Variants in VAV3 observed in about 807,000 individuals in gnomAD.
VAV3 encodes guanine nucleotide exchange factor VAV3.
Under a neutral mutation model 131.2 loss-of-function variants are expected in VAV3, and 94 were observed. The observed-to-expected ratio is 0.72, with a 90% CI of 0.61 to 0.85. The LOEUF (loss-of-function observed/expected upper bound fraction) is 0.85, where lower values mean the gene tolerates loss of function less well. VAV3 is among the 40% of genes least tolerant of loss of function. VAV3 has a pLI of 0.00. For synonymous variants in VAV3, 349 were observed against 342.0 expected (o/e 1.02, Z -0.22); for missense variants, 939 against 1,002.7 (o/e 0.94, Z 0.86).
At chr1:107,894,452 T>C (rs1671472791) in intron 1 of VAV3, among the ~76,000 whole-genome samples, 1 of 152,146 alleles carries the variant, frequency 6.6e-6, no homozygotes, top group Non-Finnish European at 1.5e-5. Flanking sequence ...GACATCACAA[T>C]TAAAACAAGC....
intron 25 of VAV3, among the ~76,000 whole-genome samples, chr1:107,582,274 C>T (rs1266706011): frequency 1.3e-5 from 2 of 152,036 alleles, no homozygotes; most frequent in African/African-American, 4.8e-5. Flanking sequence ...TGATCCTTAC[C>T]CTGGTTTTAT....
chr1:107,926,728 C>T (rs1028505095), intron 1 of VAV3, among the ~76,000 whole-genome samples: 2 of 152,154 alleles, frequency 1.3e-5, no homozygotes, highest in Non-Finnish European at 2.9e-5. Flanking sequence ...AGCTGAAGTC[C>T]GCCCATGAAG....
chr1:107,779,520 A>G lies in VAV3; in HGVS notation c.322-28T>C, dbSNP rs550212804. The G allele has an allele frequency of 2.9e-5, 45 of 1,541,368 alleles. 1 individual carries two copies. The South Asian group carries it at 5.8e-4, about 20-fold the overall frequency. On this transcript the variant is annotated intron_variant, in intron 2 of 26. Coordinates refer to ENST00000370056, the MANE Select transcript of VAV3 (RefSeq NM_006113.5). ...GAGAAAAGAGGAAAATACTAATTAG[A>G]TATGTAGTTCAGAAAATATAAGATT...
intron 2 of VAV3, among the ~76,000 whole-genome samples, chr1:107,837,856 C>T (rs1014264908): frequency 2.0e-5 from 3 of 152,062 alleles, no homozygotes; most frequent in Non-Finnish European, 2.9e-5. Flanking sequence ...TGGAACTGGA[C>T]TCCTACCTAT....
intron 1 of VAV3, among the ~76,000 whole-genome samples, chr1:107,879,460 CA>C (rs1431973990): frequency 2.6e-5 from 4 of 152,022 alleles, no homozygotes; most frequent in Non-Finnish European, 5.9e-5. Context: ...TCACTGTGTT[CA>C]GACAAAAAGA....
At chr1:107,872,098 C>CA (rs1336260010) in intron 2 of VAV3, among the ~76,000 whole-genome samples, 1 of 152,122 alleles carries the variant, frequency 6.6e-6, no homozygotes, top group African/African-American at 2.4e-5. Flanking sequence ...ACCCAAAACA[C>CA]AGACAGTGGA....
intron 7 of VAV3, 41 bp downstream of exon 7, chr1:107,768,400 T>C (rs766181986): frequency 5.4e-6 from 8 of 1,492,864 alleles, no homozygotes; most frequent in South Asian, 1.2e-5. Context: ...GAAGATTTTA[T>C]TGAAGTACAC....
intron 19 of VAV3, among the ~76,000 whole-genome samples, chr1:107,655,661 C>A (rs888928416): frequency 2.0e-5 from 3 of 151,924 alleles, no homozygotes; most frequent in Non-Finnish European, 4.4e-5. Flanking sequence ...GCAAAGGAAA[C>A]AATCAACAAT....
At position 107,816,383 on chromosome 1, in the gene VAV3, C is replaced by G. The variant is rs546984995; in HGVS notation, c.322-36891G>C. 5.9e-5 allele frequency among the ~76,000 whole-genome samples: 9 copies of G among 152,214 alleles called. No individual in the cohort carries two copies. In the South Asian group the frequency reaches 1.9e-3, roughly 32 times the overall value. ...TTAAATGAGATAGATAATGAAAAAG[C>G]TCTCATCTAGTGCCAAGCATATAGT... On this transcript the variant is annotated intron_variant, in intron 2 of 26. Transcript: ENST00000370056.
chr1:107,802,330 A>G (rs1473484502), intron 2 of VAV3, among the ~76,000 whole-genome samples: 1 of 151,924 alleles, frequency 6.6e-6, no homozygotes, highest in East Asian at 1.9e-4. Flanking sequence ...CCTTTCCAAT[A>G]TGGATGGCCT....
intron 1 of VAV3, among the ~76,000 whole-genome samples, chr1:107,953,393 T>A (rs2101355132): frequency 6.6e-6 from 1 of 152,286 alleles, no homozygotes. Context: ...AATTCCACAA[T>A]TTCTTGCCTA....
rs532812562 is a variant in VAV3, at chr1:107,643,799, T to G, written c.1778-1044A>C. Among the ~76,000 whole-genome samples, 3 of 152,258 alleles carry G rather than the reference T, an allele frequency of 2.0e-5. No individual in the cohort carries two copies. The South Asian group carries it at 6.2e-4, about 32-fold the overall frequency. ...TTTATTAAAGTCCTCAAAATTCTTT[T>G]GAACAACATGCCAGAGGGAGAAAAA... On this transcript the variant is annotated intron_variant, in intron 19 of 26. Coordinates refer to ENST00000370056, the MANE Select transcript of VAV3 (RefSeq NM_006113.5).
intron 1 of VAV3, among the ~76,000 whole-genome samples, chr1:107,913,053 A>T (rs768347884): frequency 2.6e-4 from 40 of 152,200 alleles, no homozygotes; most frequent in Non-Finnish European, 5.6e-4. Flanking sequence ...AATCTTTTTC[A>T]TGTAGGTTTT....
chr1:107,874,825 C>T (rs972449641), intron 2 of VAV3, 76 bp downstream of exon 2: 1 of 1,286,332 alleles, frequency 7.8e-7, no homozygotes, highest in Non-Finnish European at 1.1e-6. Flanking sequence ...AGTCACATGC[C>T]CTACTTCAAG....
intron 18 of VAV3, among the ~76,000 whole-genome samples, chr1:107,684,584 A>AG (rs1658887760): frequency 6.6e-6 from 1 of 152,206 alleles, no homozygotes; most frequent in African/African-American, 2.4e-5. Flanking sequence ...CTCAGGTGAA[A>AG]GCAAATTGGA....
At chr1:107,787,745 T>C (rs957600746) in intron 2 of VAV3, among the ~76,000 whole-genome samples, 2 of 152,220 alleles carry the variant, frequency 1.3e-5, no homozygotes, top group Admixed American at 6.5e-5. Context: ...TGATTAAAAG[T>C]GGATATTTTT....
chr1:107,662,161 G>C (rs1306493584), intron 19 of VAV3, among the ~76,000 whole-genome samples: 3 of 151,928 alleles, frequency 2.0e-5, no homozygotes, highest in African/African-American at 7.3e-5. Context: ...GATTTTTTCA[G>C]CATTAAATCC....
At chr1:107,738,148 T>C (rs755566904) in intron 15 of VAV3, among the ~76,000 whole-genome samples, 5 of 152,094 alleles carry the variant, frequency 3.3e-5, no homozygotes, top group Non-Finnish European at 7.4e-5. Flanking sequence ...AGGTGGGAAT[T>C]GAACAATGAG....
intron 2 of VAV3, among the ~76,000 whole-genome samples, chr1:107,791,381 T>C (rs1009942639): frequency 3.0e-4 from 6 of 19,876 alleles, no homozygotes; most frequent in Non-Finnish European, 5.6e-4. Flanking sequence ...TTTTTGGTGA[T>C]ATCAAAAAAA....
Sources: allele counts gnomAD v4.1 joint callset (sites outside exome capture counted in the v4.1 genomes callset), GRCh38; gene constraint gnomAD v4.1.1; transcripts MANE v1.5; gene names NCBI Gene and HGNC (gene_info 2026-07-23, HGNC 2026-07-21).